The following FER variants were observed in gnomAD, a reference collection of about 807,000 sequenced individuals.
FER encodes the protein FER tyrosine kinase.
FER carries 63 observed loss-of-function variants against 111.0 expected under a neutral mutation model. That is an observed-to-expected ratio of 0.57 (90% CI 0.46 to 0.70). The LOEUF (loss-of-function observed/expected upper bound fraction) is 0.70, where lower values mean the gene tolerates loss of function less well. FER is among the 30% of genes least tolerant of loss of function. The pLI is 0.00. For synonymous variants in FER, 327 were observed against 313.9 expected (o/e 1.04, Z -0.44); for missense variants, 914 against 954.0 (o/e 0.96, Z 0.55).
At chr5:108,932,399 A>G (rs890910648) in intron 10 of FER, among the ~76,000 whole-genome samples, 1 of 152,028 alleles carries the variant, frequency 6.6e-6, no homozygotes, top group Admixed American at 6.6e-5. Flanking sequence ...CATGTGCCAC[A>G]TTTTCTTTAT....
rs550456386 is a variant in FER at position 109,019,926 on chromosome 5, T to C, written c.1657-17496T>C. ...ACCAAAATCACCTTGTAGAAAAAAATTGTAGCAGTGCTGCTTTTTCCTAAT... is the reference window on the plus strand; with the variant it reads ...ACCAAAATCACCTTGTAGAAAAAAACTGTAGCAGTGCTGCTTTTTCCTAAT... On this transcript the variant is annotated intron_variant, in intron 13 of 19. Transcript: ENST00000281092. Among the ~76,000 whole-genome samples the C allele has an allele frequency of 7.2e-5, 11 of 152,020 alleles. No homozygotes were observed. In the East Asian group the frequency reaches 1.9e-3, roughly 27 times the overall value.
chr5:108,964,029 A>T (rs530833230), intron 13 of FER, among the ~76,000 whole-genome samples: 1 of 152,304 alleles, frequency 6.6e-6, no homozygotes, highest in African/African-American at 2.4e-5. Context: ...CCTTAAGTCT[A>T]TATCCATGTT....
rs547168378 is a variant in FER, at chr5:109,031,796, T to G, written c.1657-5626T>G. Among the ~76,000 whole-genome samples the G allele has an allele frequency of 1.9e-4, 29 of 152,336 alleles. No homozygotes were observed. In the South Asian group the frequency reaches 5.6e-3, roughly 29 times the overall value. ...ATACTACCTGTTTTTTGAGACTTCT[T>G]CTGACTTTTCTAGCACAATATGGCT... On this transcript the variant is annotated intron_variant, in intron 13 of 19. Transcript: ENST00000281092.
intron 17 of FER, among the ~76,000 whole-genome samples, chr5:109,168,966 T>G (rs969101190): frequency 1.4e-4 from 21 of 152,338 alleles, no homozygotes; most frequent in Middle Eastern, 3.4e-3. Flanking sequence ...TTTCAGACAC[T>G]TTTATGTAAC....
At chr5:108,806,044 C>G (rs1278745071) in intron 3 of FER, among the ~76,000 whole-genome samples, 1 of 152,116 alleles carries the variant, frequency 6.6e-6, no homozygotes, top group Non-Finnish European at 1.5e-5. Flanking sequence ...AGGAGGAAAA[C>G]ATGGTATTGT....
At chr5:108,996,958 T>A (rs1764066344) in intron 13 of FER, among the ~76,000 whole-genome samples, 1 of 152,190 alleles carries the variant, frequency 6.6e-6, no homozygotes, top group South Asian at 2.1e-4. Flanking sequence ...TTTGTAGTTC[T>A]CCTTAAAGAC....
At chr5:108,879,694 A>T (rs1041552840) in intron 8 of FER, among the ~76,000 whole-genome samples, 1 of 97,904 alleles carries the variant, frequency 1.0e-5, no homozygotes, top group African/African-American at 5.7e-5. Flanking sequence ...TTTTTAGATT[A>T]AAAAAAAATA....
chr5:108,892,656 A>G (rs1748309401), intron 9 of FER, among the ~76,000 whole-genome samples: 1 of 152,066 alleles, frequency 6.6e-6, no homozygotes, highest in Admixed American at 6.6e-5. Context: ...TGCTGTGCAG[A>G]AGCTCTTTAG....
chr5:109,132,987 A>T (rs964503304), intron 17 of FER, among the ~76,000 whole-genome samples: 2 of 152,202 alleles, frequency 1.3e-5, no homozygotes, highest in African/African-American at 2.4e-5. Context: ...TAACCAAAGC[A>T]TGTGTCCTCA....
intron 16 of FER, among the ~76,000 whole-genome samples, chr5:109,068,131 A>G (rs1775334474): frequency 6.6e-6 from 1 of 151,732 alleles, no homozygotes; most frequent in African/African-American, 2.4e-5. Context: ...GAGAAAGCCC[A>G]GTGGGAAACA....
At chr5:108,959,153 A>G (rs1758820626) in intron 12 of FER, 72 bp from the exon 13 acceptor site, 4 of 1,496,738 alleles carry the variant, frequency 2.7e-6, no homozygotes, top group Non-Finnish European at 2.7e-6. Context: ...AAAGGAATCT[A>G]ATTTATCAAT....
chr5:109,172,508 T>G (rs1212497808), intron 17 of FER, among the ~76,000 whole-genome samples: 1 of 103,276 alleles, frequency 9.7e-6, no homozygotes, highest in African/African-American at 3.6e-5. Context: ...GGGGGAGGGA[T>G]AGCATTAGGA....
chr5:109,085,856 GATTGATT>G (rs898596772), intron 16 of FER, among the ~76,000 whole-genome samples: 38 of 151,790 alleles, frequency 2.5e-4, no homozygotes, highest in African/African-American at 8.9e-4. Context: ...AATTGCTGTA[GATTGATT>G]TTTAATGTTA....
rs192356419 is a variant in FER, at chr5:108,856,803, C to T, written c.482-10964C>T. ...GTGACTTCTTTGTGTGTTAATATTA[C>T]GTGTAGTGGAAACATACCTGCTAGG... On this transcript the variant is annotated intron_variant, in intron 5 of 19. Transcript: ENST00000281092. Among the ~76,000 whole-genome samples the T allele has an allele frequency of 7.1e-4, 108 of 151,776 alleles. 1 individual carries two copies. In the South Asian group the frequency reaches 0.011, roughly 16 times the overall value.
At position 108,865,064 on chromosome 5, in the gene FER, G is replaced by T. The variant is rs531224496; in HGVS notation, c.482-2703G>T. On this transcript the variant is annotated intron_variant, in intron 5 of 19. Coordinates refer to ENST00000281092, the MANE Select transcript of FER (RefSeq NM_005246.4). ...AGTGGTTTGTTGTTCTCCTTGAAGA[G>T]GTCCTTCACGTCCCTTGTAAGTTGG... is the stretch of plus-strand genomic sequence containing the variant. Among the ~76,000 whole-genome samples, 183 of 149,970 alleles carry T rather than the reference G, an allele frequency of 1.2e-3. 4 individuals are homozygous for T. The East Asian group carries it at 0.021, about 17-fold the overall frequency.
intron 10 of FER, among the ~76,000 whole-genome samples, chr5:108,903,774 C>A (rs187434352): frequency 7.6e-4 from 115 of 152,224 alleles, no homozygotes; most frequent in African/African-American, 2.7e-3. Context: ...TGTAGATTTT[C>A]TGTAAGATTA....
chr5:108,804,534 T>C (rs1249772541), intron 3 of FER, among the ~76,000 whole-genome samples: 1 of 152,208 alleles, frequency 6.6e-6, no homozygotes, highest in Non-Finnish European at 1.5e-5. Flanking sequence ...AGGATTTTTA[T>C]CATGAAGCGA....
At chr5:108,854,914 A>T (rs1329043752) in intron 5 of FER, among the ~76,000 whole-genome samples, 2 of 137,600 alleles carry the variant, frequency 1.5e-5, no homozygotes, top group African/African-American at 5.5e-5. Context: ...ACTGCACTCC[A>T]GCTGGGCTGA....
chr5:109,098,805 G>A (rs79094303), intron 16 of FER, among the ~76,000 whole-genome samples: 5,188 of 151,564 alleles, frequency 0.034, 144 homozygotes, highest in South Asian at 0.084. Flanking sequence ...AATTGACACC[G>A]TTAAGTTTAT....
Sources: allele counts gnomAD v4.1 joint callset (sites outside exome capture counted in the v4.1 genomes callset), GRCh38; gene constraint gnomAD v4.1.1; transcripts MANE v1.5; gene names NCBI Gene and HGNC (gene_info 2026-07-23, HGNC 2026-07-21).